Variants in DAB1 observed in about 807,000 individuals in gnomAD.
DAB1 encodes the protein disabled homolog 1.
DAB1 carries 15 observed loss-of-function variants against 64.6 expected under a neutral mutation model. That is an observed-to-expected ratio of 0.23 (90% confidence interval 0.16 to 0.36). The LOEUF is 0.36. Ranked by LOEUF, DAB1 falls within the 10% of genes least tolerant of loss-of-function variation. DAB1 has a pLI of 1.00. For synonymous variants in DAB1, 235 were observed against 251.9 expected (o/e 0.93, Z 0.64); for missense variants, 596 against 706.7 (o/e 0.84, Z 1.78).
chr1:57,904,392 G>A (rs767998597), intron 5 of DAB1, among the ~76,000 whole-genome samples: 5 of 152,074 alleles, frequency 3.3e-5, no homozygotes, highest in African/African-American at 4.8e-5. Flanking sequence ...CATCTACTAC[G>A]TCCACTATTG....
intron 3 of DAB1, among the ~76,000 whole-genome samples, chr1:58,384,964 T>A (rs934102546): frequency 5.9e-5 from 9 of 152,178 alleles, no homozygotes; most frequent in African/African-American, 2.2e-4. Context: ...CAAATGTTAA[T>A]CTCCTTTGGA....
chr1:58,510,532 A>T (rs549213422), intron 2 of DAB1, among the ~76,000 whole-genome samples: 2 of 152,148 alleles, frequency 1.3e-5, no homozygotes, highest in Non-Finnish European at 2.9e-5. Flanking sequence ...TCATGGTGAA[A>T]AACAAAAATT....
chr1:57,220,970 C>G (rs1304419353), intron 2 of DAB1, among the ~76,000 whole-genome samples: 5 of 152,134 alleles, frequency 3.3e-5, no homozygotes, highest in Non-Finnish European at 5.9e-5. Flanking sequence ...TGGCACTATT[C>G]ACAATAGTAA....
chr1:57,023,474 TTCTC>T (rs373681663), intron 11 of DAB1, 53 bp downstream of exon 11: 1 of 1,009,442 alleles, frequency 9.9e-7, no homozygotes, highest in South Asian at 1.4e-5. Context: ...TGTAAACTCT[TTCTC>T]TCTCTTAATG....
At chr1:57,453,103 G>A (rs1007090672) in intron 7 of DAB1, among the ~76,000 whole-genome samples, 3 of 151,710 alleles carry the variant, frequency 2.0e-5, no homozygotes, top group Non-Finnish European at 4.4e-5. Context: ...AGAAGGGAGA[G>A]AAACTAAGAA....
At chr1:57,401,516 A>C (rs180858626) in intron 1 of DAB1, among the ~76,000 whole-genome samples, 56 of 152,320 alleles carry the variant, frequency 3.7e-4, no homozygotes, top group Non-Finnish European at 1.5e-4. Context: ...GAGAGAGCTT[A>C]GGTCTGGGAA....
At chr1:57,890,037 T>C (rs544611638) in intron 5 of DAB1, among the ~76,000 whole-genome samples, 2 of 151,622 alleles carry the variant, frequency 1.3e-5, no homozygotes, top group South Asian at 2.1e-4. Flanking sequence ...AAAGAAGAGA[T>C]AGAAAGCAGG....
exon 3 of DAB1, chr1:58,506,143 C>A (rs1294636259): frequency 2.3e-6 from 2 of 871,836 alleles, no homozygotes; most frequent in East Asian, 4.8e-5. Context: ...TTGGGTTGGC[C>A]ATGCAGGCTA....
intron 3 of DAB1, among the ~76,000 whole-genome samples, chr1:57,144,233 T>A (rs2100819948): frequency 6.6e-6 from 1 of 152,156 alleles, no homozygotes; most frequent in African/African-American, 2.4e-5. Context: ...TAATATATGT[T>A]TGAAATACAT....
intron 3 of DAB1, among the ~76,000 whole-genome samples, chr1:58,452,731 C>T (rs542454391): frequency 1.3e-5 from 2 of 150,678 alleles, no homozygotes; most frequent in East Asian, 2.0e-4. Context: ...CAGAGGCTGA[C>T]GCGGGAGAAT....
intron 7 of DAB1, among the ~76,000 whole-genome samples, chr1:57,514,829 C>A (rs56721199): frequency 0.071 from 10,734 of 152,224 alleles, 1,185 homozygotes; most frequent in African/African-American, 0.24. Flanking sequence ...CCTGTCTATG[C>A]CTCTGTTTCC....
At chr1:57,704,878 T>TTCCTTCCTTCCTTCCTTCC (rs374859083) in intron 6 of DAB1, among the ~76,000 whole-genome samples, 2,215 of 146,344 alleles carry the variant, frequency 0.015, 82 homozygotes, top group African/African-American at 0.027. Context: ...GGAAATTTCT[T>TTCCTTCCTTCCTTCCTTCC]TTCCTTCCTT....
intron 5 of DAB1, among the ~76,000 whole-genome samples, chr1:58,012,501 T>A (rs948802050): frequency 2.0e-5 from 3 of 152,076 alleles, no homozygotes; most frequent in Non-Finnish European, 2.9e-5. Flanking sequence ...TAAAAAAAAA[T>A]TAATGTTTGT....
At chr1:57,678,935 T>A (rs1038204762) in intron 6 of DAB1, among the ~76,000 whole-genome samples, 1 of 13,322 alleles carries the variant, frequency 7.5e-5, no homozygotes, top group African/African-American at 6.2e-4. Flanking sequence ...CCCGGCTAAT[T>A]TTTTTTTTTG....
At position 57,188,192 on chromosome 1, in the gene DAB1, A is replaced by T. The variant is rs61767512; in HGVS notation, c.68-42763T>A. Among the ~76,000 whole-genome samples the T allele has an allele frequency of 8.6e-3, 1,304 of 152,222 alleles. 35 individuals are homozygous for T. The East Asian group carries it at 0.092, about 11-fold the overall frequency. ...TTCTACCAAGGCCTTTCTGAAGGAT[A>T]CCCCTGCACCGTGCCTGATTAGAGT... On this transcript the variant is annotated intron_variant, in intron 2 of 14. Transcript: ENST00000371236.
intron 8 of DAB1, among the ~76,000 whole-genome samples, chr1:57,067,082 A>C (rs1390136082): frequency 2.0e-5 from 3 of 152,196 alleles, no homozygotes; most frequent in Non-Finnish European, 4.4e-5. Flanking sequence ...CCAAGAGCTT[A>C]TCTCTTATTA....
intron 3 of DAB1, among the ~76,000 whole-genome samples, chr1:58,457,139 T>A (rs1182370419): frequency 6.6e-6 from 1 of 152,160 alleles, no homozygotes; most frequent in Non-Finnish European, 1.5e-5. Context: ...AATCGAGGTC[T>A]CAGGATTGGA....
intron 5 of DAB1, among the ~76,000 whole-genome samples, chr1:58,133,804 A>C (rs1653783546): frequency 6.6e-6 from 1 of 152,232 alleles, no homozygotes. Context: ...AAGGACAGCC[A>C]GCTTGGTGGC....
At chr1:57,563,780 G>A (rs2263448) in intron 7 of DAB1, among the ~76,000 whole-genome samples, 70,846 of 152,042 alleles carry the variant, frequency 0.47, 16,451 homozygotes, top group South Asian at 0.6. Context: ...GTAGGTAAAC[G>A]AAGCGGCCTG....
Sources: gnomAD v4.1 joint callset for allele counts (sites outside exome capture counted in the v4.1 genomes callset) on GRCh38, gnomAD v4.1.1 for gene constraint, MANE v1.5 for transcripts, NCBI Gene and HGNC (gene_info 2026-07-23, HGNC 2026-07-21) for gene names.